The following MACROH2A2 variants were observed in gnomAD, a reference collection of about 807,000 sequenced individuals.
The protein encoded by MACROH2A2 is macroH2A.2 histone.
A neutral mutation model predicts 37.6 loss-of-function variants in MACROH2A2; 6 were observed. That is an observed-to-expected ratio of 0.16 (90% confidence interval 0.09 to 0.32). MACROH2A2 has a LOEUF of 0.32. MACROH2A2 is among the 10% of genes least tolerant of loss of function. The pLI is 1.00. For missense variants in MACROH2A2, 290 were observed against 485.9 expected (o/e 0.60, Z 3.79); for synonymous variants, 192 against 202.7 (o/e 0.95, Z 0.45).
Position 70,108,096 on chromosome 10 carries a change from T to A in MACROH2A2, c.779-937T>A, listed in dbSNP as rs2072348436. Among the ~76,000 whole-genome samples the A allele has an allele frequency of 2.0e-5, 3 of 152,044 alleles. No individual in the cohort carries two copies. In the South Asian group the frequency reaches 6.2e-4, roughly 31 times the overall value. On this transcript the variant is annotated intron_variant, in intron 7 of 8. Transcript: ENST00000373255. The stretch of plus-strand genomic sequence containing the variant: ...ATTAGCACATGCCTGTAATCCCAGC[T>A]ACTCGAGAGGCTGAGGCACTAGAAT...
intron 1 of MACROH2A2, among the ~76,000 whole-genome samples, chr10:70,061,058 A>C (rs1174536356): frequency 6.6e-6 from 1 of 152,124 alleles, no homozygotes; most frequent in Non-Finnish European, 1.5e-5. Flanking sequence ...TCAGCATGTT[A>C]AATAAAGTTT....
Position 70,107,076 on chromosome 10 carries a change from C to T in MACROH2A2, c.779-1957C>T, listed in dbSNP as rs114409418. The stretch of plus-strand genomic sequence containing the variant: ...ACTCTGCTTCTGGTGCACAAATATA[C>T]GTGGTCGTAGAGTCAGCACGCATGG... On this transcript the variant is annotated intron_variant, in intron 7 of 8. Coordinates refer to ENST00000373255, the MANE Select transcript of MACROH2A2 (RefSeq NM_018649.3). The surrounding 1 kb of genome is among the most constrained non-coding windows in gnomAD (Gnocchi z 4.4). 6.6e-6 allele frequency among the ~76,000 whole-genome samples: 1 copy of T among 152,250 alleles called. No individual in the cohort carries two copies. The highest frequency in any genetic ancestry group is 2.4e-5 in the African/African-American group (1 of 41,546).
Position 70,107,200 on chromosome 10 carries a change from C to A in MACROH2A2, c.779-1833C>A, listed in dbSNP as rs913803966. ...TGAGCCCCGTCTAGGCACTGGAAGGCAGGGAGCCTACAGCCTCCCCTGATG... is the reference window on the plus strand; with the variant it reads ...TGAGCCCCGTCTAGGCACTGGAAGGAAGGGAGCCTACAGCCTCCCCTGATG... On this transcript the variant is annotated intron_variant, in intron 7 of 8. Coordinates refer to ENST00000373255, the MANE Select transcript of MACROH2A2 (RefSeq NM_018649.3). The surrounding 1 kb of genome is among the most constrained non-coding windows in gnomAD (Gnocchi z 4.4). Among the ~76,000 whole-genome samples the A allele has an allele frequency of 1.6e-4, 24 of 152,302 alleles. No homozygotes were observed. The highest frequency in any genetic ancestry group is 5.8e-4 in the African/African-American group (24 of 41,576).
chr10:70,058,489 C>T (rs538103892), intron 1 of MACROH2A2, among the ~76,000 whole-genome samples: 1 of 152,258 alleles, frequency 6.6e-6, no homozygotes, highest in East Asian at 1.9e-4. Context: ...GGGGTTGTTT[C>T]TGGATATGAA....
At chr10:70,085,526 A>G (rs1415502624) in intron 2 of MACROH2A2, among the ~76,000 whole-genome samples, 1 of 152,228 alleles carries the variant, frequency 6.6e-6, no homozygotes, top group African/African-American at 2.4e-5. Flanking sequence ...TCCCAACCCT[A>G]TAATTAATGT....
In MACROH2A2 at chr10:70,111,685, C is replaced by T. The variant is rs768275078; in HGVS notation, c.*2C>T. 12 of 1,602,324 alleles carry T rather than the reference C, an allele frequency of 7.5e-6. No individual in the cohort carries two copies. Among genetic ancestry groups the T allele is most frequent in the East Asian group, 6.7e-5 (3 of 44,556 alleles). On this transcript the variant is annotated 3_prime_UTR_variant, in exon 9 of 9. Coordinates refer to ENST00000373255, the MANE Select transcript of MACROH2A2 (RefSeq NM_018649.3). Reference sequence around the variant, plus strand: ...ATGGCCAAGCTCGACGCCAAGTAGCCGCCGCACTTTCCAGCAGGGATCGGA... The same window carrying T: ...ATGGCCAAGCTCGACGCCAAGTAGCTGCCGCACTTTCCAGCAGGGATCGGA...
At chr10:70,056,693 G>A (rs2072019422) in intron 1 of MACROH2A2, among the ~76,000 whole-genome samples, 1 of 152,176 alleles carries the variant, frequency 6.6e-6, no homozygotes, top group Admixed American at 6.5e-5. Flanking sequence ...CAGGTGGAAG[G>A]AAGCTGGATG....
intron 3 of MACROH2A2, 104 bp downstream of exon 3, chr10:70,090,270 A>G (rs2072236823): frequency 2.8e-6 from 2 of 725,792 alleles, no homozygotes; most frequent in Admixed American, 2.3e-5. Flanking sequence ...TCCCAATTAC[A>G]TTTATACAAA....
intron 2 of MACROH2A2, among the ~76,000 whole-genome samples, chr10:70,086,906 C>G (rs1473381880): frequency 1.3e-5 from 2 of 152,196 alleles, no homozygotes; most frequent in Non-Finnish European, 2.9e-5. Context: ...ATAAAGCAAG[C>G]CTGCCGGGAA....
At chr10:70,092,401 C>T (rs924643000) in intron 4 of MACROH2A2, among the ~76,000 whole-genome samples, 3 of 151,978 alleles carry the variant, frequency 2.0e-5, no homozygotes, top group East Asian at 3.8e-4. Flanking sequence ...CCACTGCACT[C>T]GAGCCTCGGT....
chr10:70,067,658 T>C (rs2072086566), intron 1 of MACROH2A2, among the ~76,000 whole-genome samples: 1 of 152,108 alleles, frequency 6.6e-6, no homozygotes, highest in Admixed American at 6.6e-5. Context: ...ACTAGGACAA[T>C]AGCAAGTATA....
At position 70,111,512 on chromosome 10, in the gene MACROH2A2, G is replaced by C; in HGVS notation, c.954-6G>C. 1 of 1,610,910 alleles carries C rather than the reference G, an allele frequency of 6.2e-7. No individual in the cohort carries two copies. The highest frequency in any genetic ancestry group is 8.5e-7 in the Non-Finnish European group (1 of 1,178,620). On this transcript the variant is annotated splice_polypyrimidine_tract_variant and splice_region_variant and intron_variant, in intron 8 of 8. Transcript: ENST00000373255. Reference sequence around the variant, plus strand: ...TGACATCGGCTCTTCTTTTGCTTTGGCACAGAAACTGCTTTCCCAAACAGA... The same window carrying C: ...TGACATCGGCTCTTCTTTTGCTTTGCCACAGAAACTGCTTTCCCAAACAGA...
chr10:70,106,041 G>A (rs779706706), intron 7 of MACROH2A2, among the ~76,000 whole-genome samples: 39 of 152,244 alleles, frequency 2.6e-4, no homozygotes, highest in Non-Finnish European at 5.1e-4. Flanking sequence ...GGAAACTGAG[G>A]TGCTGTTAAA....
At position 70,093,776 on chromosome 10, in the gene MACROH2A2, C is replaced by T. The variant is rs2072260114; in HGVS notation, c.519C>T (p.Ser173=). The T allele has an allele frequency of 1.2e-6, 2 of 1,611,930 alleles. No individual in the cohort carries two copies. Among genetic ancestry groups the T allele is most frequent in the Non-Finnish European group, 1.7e-6 (2 of 1,178,116 alleles). ...KDSDKEGTSN[S]TSEDGPGDGF... is the part of the protein sequence containing the mutation. ...GCGATAAAGAAGGAACTTCAAATTC[C>T]ACCTCTGAAGATGGGCCAGGGGATG... is the stretch of plus-strand genomic sequence containing the variant. Residue 173 remains serine (S), a synonymous_variant, in exon 5 of 9, where the codon TCC becomes TCT. Coordinates refer to ENST00000373255, the MANE Select transcript of MACROH2A2 (RefSeq NM_018649.3).
intron 6 of MACROH2A2, among the ~76,000 whole-genome samples, chr10:70,096,258 T>G (rs905383823): frequency 6.6e-5 from 10 of 152,230 alleles, no homozygotes; most frequent in African/African-American, 1.7e-4. Context: ...TATGCTTGTA[T>G]TCATTCATTT....
At chr10:70,100,016 T>C (rs1165345974) in intron 6 of MACROH2A2, among the ~76,000 whole-genome samples, 192 bp from the exon 7 acceptor site, 3 of 152,244 alleles carry the variant, frequency 2.0e-5, no homozygotes, top group African/African-American at 7.2e-5. Context: ...CTTGCCAATC[T>C]AAGTCTGCTA....
rs775088830 is a variant in MACROH2A2, at chr10:70,091,908, A to AG, written c.438dup (p.Lys147GlufsTer21). The AG allele has an allele frequency of 1.2e-6, 2 of 1,613,796 alleles. No homozygotes were observed. Among genetic ancestry groups the AG allele is most frequent in the East Asian group, 2.2e-5 (1 of 44,886 alleles). On this transcript the variant is annotated frameshift_variant, in exon 4 of 9. Coordinates refer to ENST00000373255, the MANE Select transcript of MACROH2A2 (RefSeq NM_018649.3). LOFTEE classifies it high-confidence loss of function. Reference sequence around the variant, plus strand: ...GGCAGGAAGGCCACGTCAGGCAAGAAGGGGGGGAAGAAATCCAAGGCTGCC... The same window carrying AG: ...GGCAGGAAGGCCACGTCAGGCAAGAAGGGGGGGGAAGAAATCCAAGGCTGCC...
At chr10:70,067,325 A>G (rs2072085190) in intron 1 of MACROH2A2, among the ~76,000 whole-genome samples, 2 of 152,394 alleles carry the variant, frequency 1.3e-5, no homozygotes, top group East Asian at 1.9e-4. Context: ...GAGGAGCTAT[A>G]CAAGAAAGAC....
intron 2 of MACROH2A2, among the ~76,000 whole-genome samples, chr10:70,087,236 CTTTTTTT>C (rs573916118): frequency 7.2e-6 from 1 of 138,716 alleles, no homozygotes; most frequent in Non-Finnish European, 1.6e-5. Flanking sequence ...TTTCTTTCTT[CTTTTTTT>C]TTTTTTTTTA....
Sources: gnomAD v4.1 joint callset for allele counts (sites outside exome capture counted in the v4.1 genomes callset) on GRCh38, gnomAD v4.1.1 for gene constraint, Gnocchi (gnomAD v3.1) non-coding constraint, MANE v1.5 for transcripts, NCBI Gene and HGNC (gene_info 2026-07-23, HGNC 2026-07-21) for gene names.